Variants in ADGRL2 observed in about 807,000 individuals in gnomAD.
ADGRL2 encodes calcium-independent alpha-latrotoxin receptor 2.
A neutral mutation model predicts 157.4 loss-of-function variants in ADGRL2; 44 were observed. That is an observed-to-expected ratio of 0.28 (90% CI 0.22 to 0.36). The LOEUF (loss-of-function observed/expected upper bound fraction) is 0.36. ADGRL2 is among the 10% of genes least tolerant of loss of function. The pLI is 1.00. For synonymous variants in ADGRL2, 585 were observed against 624.7 expected (o/e 0.94, Z 0.95); for missense variants, 1,510 against 1,768.9 (o/e 0.85, Z 2.63).
chr1:81,459,843 C>G (rs914426865), intron 2 of ADGRL2, among the ~76,000 whole-genome samples: 2 of 148,076 alleles, frequency 1.4e-5, no homozygotes, highest in African/African-American at 5.0e-5. Flanking sequence ...CACACACACA[C>G]ATACACACAC....
At chr1:81,393,835 C>CT (rs757631237) in intron 1 of ADGRL2, among the ~76,000 whole-genome samples, 1,210 of 87,974 alleles carry the variant, frequency 0.014, 17 homozygotes, top group South Asian at 0.088. Flanking sequence ...TTTTTTTTTG[C>CT]TTTTTTTTGC....
Position 81,510,475 on chromosome 1 carries a change from G to A in ADGRL2, c.-248+65386G>A, listed in dbSNP as rs116306801. 2.4e-3 allele frequency among the ~76,000 whole-genome samples: 359 copies of A among 152,124 alleles called. 3 individuals are homozygous for A. Among genetic ancestry groups the A allele is most frequent in the African/African-American group, 8.1e-3 (337 of 41,500 alleles). ...CACATTCATTCAAACTCTTTAGCACGTGAAATATATATATGAAATACATAT... is the reference window on the plus strand; with the variant it reads ...CACATTCATTCAAACTCTTTAGCACATGAAATATATATATGAAATACATAT... On this transcript the variant is annotated intron_variant, in intron 2 of 24. Transcript: ENST00000370721.
At chr1:81,346,160 GA>G (rs1662464954) in intron 1 of ADGRL2, among the ~76,000 whole-genome samples, 1 of 152,142 alleles carries the variant, frequency 6.6e-6, no homozygotes, top group Non-Finnish European at 1.5e-5. Flanking sequence ...GGTAAAAGGG[GA>G]AAGAGGTGGA....
intron 2 of ADGRL2, among the ~76,000 whole-genome samples, chr1:81,894,927 T>C (rs2094349085): frequency 6.6e-6 from 1 of 152,170 alleles, no homozygotes; most frequent in Admixed American, 6.5e-5. Flanking sequence ...AAAGGTTACA[T>C]GGCTGATACT....
Position 81,522,387 on chromosome 1 carries a change from T to C in ADGRL2, c.-247-58489T>C, listed in dbSNP as rs2079340681. Among the ~76,000 whole-genome samples the C allele has an allele frequency of 2.0e-5, 3 of 152,286 alleles. No individual in the cohort carries two copies. The South Asian group carries it at 6.2e-4, about 32-fold the overall frequency. On this transcript the variant is annotated intron_variant, in intron 2 of 24. Coordinates refer to the ADGRL2 transcript ENST00000370721. ...TTGCTGGTTGGTAGTGATTAAGTGA[T>C]TAAGGAATATATTGAGGGTGCTAGG...
chr1:81,861,846 A>C (rs1259220771), intron 2 of ADGRL2, among the ~76,000 whole-genome samples: 1 of 152,066 alleles, frequency 6.6e-6, no homozygotes, highest in Non-Finnish European at 1.5e-5. Context: ...TTGCACCACC[A>C]CACTCCAGCC....
intron 2 of ADGRL2, among the ~76,000 whole-genome samples, chr1:81,556,119 T>G (rs2148416204): frequency 6.6e-6 from 1 of 152,256 alleles, no homozygotes; most frequent in Middle Eastern, 3.4e-3. Flanking sequence ...CTCTTCTGAC[T>G]TATTTACCAA....
chr1:81,888,066 A>T (rs377080945), intron 2 of ADGRL2, among the ~76,000 whole-genome samples: 2 of 152,338 alleles, frequency 1.3e-5, no homozygotes, highest in African/African-American at 4.8e-5. Flanking sequence ...AAGCTGTCAA[A>T]CCCATTCAGC....
chr1:81,467,617 C>T (rs1201758987), intron 2 of ADGRL2, among the ~76,000 whole-genome samples: 1 of 152,076 alleles, frequency 6.6e-6, no homozygotes, highest in Non-Finnish European at 1.5e-5. Flanking sequence ...GCGGTTAGAT[C>T]CCTAGTGAGA....
chr1:81,509,371 G>GT, intron 2 of ADGRL2, among the ~76,000 whole-genome samples: 1 of 150,728 alleles, frequency 6.6e-6, no homozygotes, highest in Non-Finnish European at 1.5e-5. Flanking sequence ...AAGTGATATG[G>GT]TAAAAAAAAA....
chr1:81,523,556 T>C (rs1570377234), intron 2 of ADGRL2, among the ~76,000 whole-genome samples: 1 of 152,124 alleles, frequency 6.6e-6, no homozygotes, highest in Non-Finnish European at 1.5e-5. Context: ...AGCTATCTCA[T>C]AGAAAAGAAA....
At chr1:81,465,024 G>A (rs1167470860) in intron 2 of ADGRL2, among the ~76,000 whole-genome samples, 1 of 151,796 alleles carries the variant, frequency 6.6e-6, no homozygotes, top group Non-Finnish European at 1.5e-5. Flanking sequence ...CTACCATCAA[G>A]TGTCACTCAT....
chr1:81,902,929 A>ATGT (rs2094514587), intron 2 of ADGRL2, among the ~76,000 whole-genome samples: 1 of 152,212 alleles, frequency 6.6e-6, no homozygotes, highest in South Asian at 2.1e-4. Context: ...TGCACAGCAC[A>ATGT]TCCATGTTAA....
At chr1:81,847,176 C>T (rs2092825407) in intron 2 of ADGRL2, among the ~76,000 whole-genome samples, 1 of 151,666 alleles carries the variant, frequency 6.6e-6, no homozygotes, top group African/African-American at 2.4e-5. Flanking sequence ...TGTACAGCCG[C>T]AGAAGAAAGA....
intron 3 of ADGRL2, among the ~76,000 whole-genome samples, chr1:81,657,619 C>T (rs2082563514): frequency 1.3e-5 from 2 of 152,050 alleles, no homozygotes; most frequent in Non-Finnish European, 2.9e-5. Flanking sequence ...GAGTCAATTA[C>T]AAGAGGGGTG....
At chr1:81,910,633 T>G (rs1227312169) in intron 3 of ADGRL2, among the ~76,000 whole-genome samples, 1 of 151,832 alleles carries the variant, frequency 6.6e-6, no homozygotes, top group Non-Finnish European at 1.5e-5. Flanking sequence ...GCACCTTTTT[T>G]TTTTTGTTTT....
chr1:81,395,323 A>G (rs1021856023), intron 1 of ADGRL2, among the ~76,000 whole-genome samples: 19 of 152,092 alleles, frequency 1.2e-4, no homozygotes, highest in Middle Eastern at 3.4e-3. Flanking sequence ...GGCCACTTGT[A>G]TGTCTTTTTT....
chr1:81,752,452 C>G (rs190372510), intron 1 of ADGRL2, among the ~76,000 whole-genome samples: 1 of 152,150 alleles, frequency 6.6e-6, no homozygotes, highest in Non-Finnish European at 1.5e-5. Context: ...AAGAAAAAGG[C>G]GCTATACTTT....
At chr1:81,972,947 A>G (rs1276845979) in intron 17 of ADGRL2, among the ~76,000 whole-genome samples, 4 of 151,290 alleles carry the variant, frequency 2.6e-5, no homozygotes, top group Non-Finnish European at 5.9e-5. Context: ...TTGTAGCACT[A>G]TGGTGAGAAA....
Sources: allele counts gnomAD v4.1 joint callset (sites outside exome capture counted in the v4.1 genomes callset), GRCh38; gene constraint gnomAD v4.1.1; transcripts MANE v1.5; gene names NCBI Gene and HGNC (gene_info 2026-07-23, HGNC 2026-07-21).